The following KRABD4 variants were observed in gnomAD, a reference collection of about 807,000 sequenced individuals.
KRABD4 encodes KRAB domain-containing protein 4.
chrX:46,450,374 A>C, the KRABD4 span: 4 of 746,223 alleles, frequency 5.4e-6, no homozygotes, highest in Non-Finnish European at 8.2e-6. Flanking sequence ...TTGGGATGGT[A>C]ATGATGGTCT....
chrX:46,457,623 G>GTTTTTTTTT, the KRABD4 span, among the ~76,000 whole-genome samples: 10 of 75,291 alleles, frequency 1.3e-4, no homozygotes, highest in African/African-American at 1.9e-4. Flanking sequence ...GCCTTTCAGA[G>GTTTTTTTTT]TTTTTTTTTT....
At chrX:46,455,479 C>G in the KRABD4 span, 1 of 427,303 alleles carries the variant, frequency 2.3e-6, no homozygotes, top group African/African-American at 2.5e-5. Flanking sequence ...TTTTTTAAAT[C>G]TGTATTTCTT....
chrX:46,455,851 T>C, the KRABD4 span: 1 of 337,081 alleles, frequency 3.0e-6, no homozygotes, highest in Non-Finnish European at 5.5e-6. Flanking sequence ...AGGTAGACCT[T>C]GAGTCAAATC....
the KRABD4 span, among the ~76,000 whole-genome samples, chrX:46,468,631 A>G: frequency 2.7e-5 from 3 of 111,607 alleles, no homozygotes; most frequent in African/African-American, 9.7e-5. Flanking sequence ...AGAATTTAAT[A>G]TATATAAAAA....
the KRABD4 span, chrX:46,457,002 T>C: frequency 3.3e-6 from 1 of 300,519 alleles, no homozygotes; most frequent in Admixed American, 6.2e-5. Flanking sequence ...AAGTGGAGTT[T>C]ATGTTCACCG....
chrX:46,455,394 G>A, the KRABD4 span: 7 of 460,681 alleles, frequency 1.5e-5, no homozygotes, highest in African/African-American at 1.2e-4. Flanking sequence ...GATCTTTGTC[G>A]GCAATGTGTA....
the KRABD4 span, chrX:46,454,516 A>G: frequency 3.6e-5 from 4 of 112,152 alleles, no homozygotes; most frequent in African/African-American, 9.7e-5. Context: ...ACATTATGAG[A>G]TTTTTGGCTG....
At chrX:46,473,627 T>G in the KRABD4 span, 9 of 358,825 alleles carry the variant, frequency 2.5e-5, no homozygotes, top group South Asian at 1.8e-4. Flanking sequence ...GTCCTGCTCT[T>G]TCCTGCTCAG....
chrX:46,473,168 A>G, the KRABD4 span: 15 of 1,184,289 alleles, frequency 1.3e-5, no homozygotes, highest in Admixed American at 4.9e-5. Flanking sequence ...GAGAAACTCT[A>G]CAAATGTACT....
chrX:46,462,654 G>C, the KRABD4 span: 2 of 1,199,740 alleles, frequency 1.7e-6, no homozygotes, highest in Admixed American at 2.2e-5. Flanking sequence ...GTTTCTCCTA[G>C]AGGGCACAGA....
At chrX:46,471,421 T>A in the KRABD4 span, among the ~76,000 whole-genome samples, 1 of 102,261 alleles carries the variant, frequency 9.8e-6, no homozygotes, top group East Asian at 3.3e-4. Flanking sequence ...CCTGCCAATT[T>A]CCCCTAATAG....
At chrX:46,455,869 A>T in the KRABD4 span, 5 of 331,484 alleles carry the variant, frequency 1.5e-5, no homozygotes, top group Non-Finnish European at 2.2e-5. Flanking sequence ...ATCAGATAAC[A>T]TATGATGAGG....
chrX:46,455,966 GC>G, the KRABD4 span: 1 of 312,445 alleles, frequency 3.2e-6, no homozygotes. Context: ...TCTGAACGCT[GC>G]CATCCAGAGT....
At chrX:46,448,975 G>A in the KRABD4 span, among the ~76,000 whole-genome samples, 1 of 112,124 alleles carries the variant, frequency 8.9e-6, no homozygotes, top group Non-Finnish European at 1.9e-5. Context: ...CATCTCTGCT[G>A]CCTTATTTCA....
At chrX:46,473,192 T>C in the KRABD4 span, 2 of 1,179,951 alleles carry the variant, frequency 1.7e-6, no homozygotes, top group Admixed American at 4.9e-5. Context: ...TGTGGAAAAG[T>C]GTTTATCCAG....
At chrX:46,460,907 C>A in the KRABD4 span, among the ~76,000 whole-genome samples, 1 of 100,738 alleles carries the variant, frequency 9.9e-6, no homozygotes, top group African/African-American at 3.8e-5. Flanking sequence ...ATGAAATTCC[C>A]AACCTTCTAA....
chrX:46,471,701 A>G, the KRABD4 span, among the ~76,000 whole-genome samples: 2 of 112,053 alleles, frequency 1.8e-5, no homozygotes, highest in East Asian at 5.6e-4. Flanking sequence ...CCTTTTCTAG[A>G]ATGTCATATA....
chrX:46,451,439 A>T, the KRABD4 span, among the ~76,000 whole-genome samples: 17 of 112,294 alleles, frequency 1.5e-4, no homozygotes, highest in African/African-American at 5.5e-4. Flanking sequence ...TTTAATTTCT[A>T]TCTCATAGTA....
the KRABD4 span, among the ~76,000 whole-genome samples, chrX:46,460,968 C>T: frequency 1.0e-5 from 1 of 97,264 alleles, no homozygotes; most frequent in African/African-American, 3.9e-5. Flanking sequence ...TACCTAGGGG[C>T]AGCCAGCTAA....
Sources: gnomAD v4.1 joint callset for allele counts (sites outside exome capture counted in the v4.1 genomes callset) on GRCh38, gnomAD v4.1.1 for gene constraint, MANE v1.5 for transcripts, NCBI Gene and HGNC (gene_info 2026-07-23, HGNC 2026-07-21) for gene names.